Variants in NME8 observed in about 807,000 individuals in gnomAD.
NME8 encodes the protein protein NME8.
A neutral mutation model predicts 82.3 loss-of-function variants in NME8; 72 were observed. The ratio of observed to expected loss-of-function variants is 0.87; its 90% confidence interval spans 0.72 to 1.06. The LOEUF (loss-of-function observed/expected upper bound fraction) is 1.06, where lower values mean the gene tolerates loss of function less well. Among genes scored for constraint, NME8 ranks in the 50% least tolerant of loss-of-function variants. NME8 has a pLI of 0.00. For synonymous variants in NME8, 267 were observed against 228.5 expected, an observed-to-expected ratio of 1.17 and a Z score of -1.52; for missense variants, 712 against 685.4, an observed-to-expected ratio of 1.04 and a Z score of -0.43.
At chr7:37,864,210 C>T (rs532718199) in intron 8 of NME8, 138 bp from the exon 9 acceptor site, 38 of 1,047,578 alleles carry the variant, frequency 3.6e-5, no homozygotes, top group African/African-American at 3.2e-4. Context: ...GTTGAAATGC[C>T]GTAGTAAGAT....
chr7:37,877,301 AG>A, intron 12 of NME8, among the ~76,000 whole-genome samples: 1 of 152,308 alleles, frequency 6.6e-6, no homozygotes, highest in Middle Eastern at 3.4e-3. Context: ...CCCAATTCAA[AG>A]CTTGGATCTA....
chr7:37,850,648 C>G lies in NME8; in HGVS notation c.111C>G (p.Ala37=), dbSNP rs780775214. The change falls in exon 5 of 18, where the codon GCC becomes GCG. Residue 37 remains alanine, a synonymous_variant. Coordinates refer to ENST00000199447, the MANE Select transcript of NME8 (RefSeq NM_016616.5). ...TTCTAGTGATTGATGTTTACCAAGC[C>G]TGGTGTGGACCTTGCAGAGCAATGC... ...KGLTVIDVYQ[A]WCGPCRAMQP... is the part of the protein sequence containing the mutation. The G allele has an allele frequency of 6.2e-7, 1 of 1,611,730 alleles. No individual in the cohort carries two copies. Among genetic ancestry groups the G allele is most frequent in the Non-Finnish European group, 8.5e-7 (1 of 1,177,808 alleles).
At chr7:37,889,537 T>C (rs1456679938) in intron 15 of NME8, among the ~76,000 whole-genome samples, 2 of 151,950 alleles carry the variant, frequency 1.3e-5, no homozygotes, top group African/African-American at 4.8e-5. Context: ...CAGGTTCTAA[T>C]GCATCGTGTT....
chr7:37,863,335 CCACT>C lies in NME8; in HGVS notation c.388-56_388-53del, dbSNP rs542503046. 1.2e-4 allele frequency: 120 copies of C among 980,784 alleles called. 1 individual carries two copies. The African/African-American group carries it at 1.7e-3, about 14-fold the overall frequency. 60.8% of individuals were successfully genotyped at this position (980,784 alleles called of 1,614,324 possible). On this transcript the variant is annotated intron_variant, in intron 7 of 17. Transcript: ENST00000199447. ...TACTAGATACAAAATTTCTAAAAACCCACTCACTATCATATTAAAACATAACTGT... is the reference window on the plus strand; with the variant it reads ...TACTAGATACAAAATTTCTAAAAACCCACTATCATATTAAAACATAACTGT...
intron 11 of NME8, among the ~76,000 whole-genome samples, chr7:37,876,082 G>A (rs1294780170): frequency 7.1e-6 from 1 of 140,670 alleles, no homozygotes; most frequent in East Asian, 2.3e-4. Flanking sequence ...GGGGGTGTGC[G>A]CCTGTAGTCC....
intron 11 of NME8, among the ~76,000 whole-genome samples, chr7:37,871,816 T>A (rs1324010913): frequency 6.6e-6 from 1 of 152,202 alleles, no homozygotes; most frequent in Non-Finnish European, 1.5e-5. Flanking sequence ...TTTTTTCCTT[T>A]ATGATATTCT....
chr7:37,891,723 T>C (rs1422421349), intron 15 of NME8, among the ~76,000 whole-genome samples: 1 of 151,974 alleles, frequency 6.6e-6, no homozygotes, highest in Admixed American at 6.6e-5. Flanking sequence ...CTTTTCTGCT[T>C]ATCACTAGAG....
In NME8 at chr7:37,876,125, T is replaced by C. The variant is rs373675608; in HGVS notation, c.819-707T>C. ...TCGGGAGGCGAGGCAGGGGAATAGC[T>C]TGAACTTGGGAGGCAGAGGTAGCAG... On this transcript the variant is annotated intron_variant, in intron 11 of 17. Coordinates refer to ENST00000199447, the MANE Select transcript of NME8 (RefSeq NM_016616.5). Among the ~76,000 whole-genome samples, 307 of 151,836 alleles carry C rather than the reference T, an allele frequency of 2.0e-3. 1 individual carries two copies. Among genetic ancestry groups the C allele is most frequent in the South Asian group, 0.019 (92 of 4,802 alleles).
intron 15 of NME8, among the ~76,000 whole-genome samples, chr7:37,891,153 T>C (rs1785123593): frequency 3.9e-5 from 6 of 151,960 alleles, no homozygotes. Context: ...CTATTGAGTT[T>C]AGTTCCTTAT....
rs113441547 is a variant in NME8 at position 37,882,615 on chromosome 7, G to A, written c.995-1688G>A. 6.7e-3 allele frequency among the ~76,000 whole-genome samples: 487 copies of A among 72,294 alleles called. 7 individuals carry two copies. Among genetic ancestry groups the A allele is most frequent in the African/African-American group, 0.022 (447 of 20,520 alleles). 47.4% of individuals were successfully genotyped at this position (72,294 alleles called of 152,430 possible). On this transcript the variant is annotated intron_variant, in intron 12 of 17. Transcript: ENST00000199447. ...AGAAAGAAAGAGAGAGAGAGAGAGA[G>A]AAAGAAAGAAAGAAAGAAAGAAAGA...
At chr7:37,848,771 A>G (rs1303549014) in intron 1 of NME8, 43 bp downstream of exon 1, 1 of 152,324 alleles carries the variant, frequency 6.6e-6, no homozygotes, top group African/African-American at 2.4e-5. Flanking sequence ...ACGCCGCTCA[A>G]GTCTCACGGG....
At position 37,850,700 on chromosome 7, in the gene NME8, G is replaced by T; in HGVS notation, c.163G>T (p.Glu55Ter). The change falls in exon 5 of 18, where the codon GAA (glutamate) becomes TAA (stop). Residue 55 changes from glutamate (E) to a stop codon, truncating the protein, a stop_gained. Coordinates refer to ENST00000199447, the MANE Select transcript of NME8 (RefSeq NM_016616.5). LOFTEE classifies it high-confidence loss of function. ...ACCTTTATTCAGAAAATTGAAAAAT[G>T]AACTGAACGAAGACGAAATTCTGCA... The part of the protein sequence containing the change: ...MQPLFRKLKN[E>*]LNEDEILHFA... The T allele has an allele frequency of 6.2e-7, 1 of 1,613,684 alleles. No homozygotes were observed.
chr7:37,876,664 G>A (rs761847770), intron 11 of NME8, among the ~76,000 whole-genome samples, 168 bp from the exon 12 acceptor site: 4 of 149,474 alleles, frequency 2.7e-5, no homozygotes, highest in Non-Finnish European at 5.9e-5. Context: ...GTTGAATTAA[G>A]TATCATATTC....
At chr7:37,871,019 C>G (rs903843642) in intron 11 of NME8, among the ~76,000 whole-genome samples, 1 of 152,188 alleles carries the variant, frequency 6.6e-6, no homozygotes, top group East Asian at 1.9e-4. Flanking sequence ...TTCACTTTCA[C>G]TCTTTATTGC....
In NME8 at chr7:37,862,043, G is replaced by A. The variant is rs368696812; in HGVS notation, c.286G>A (p.Glu96Lys). 3.5e-5 allele frequency: 56 copies of A among 1,612,928 alleles called. No individual in the cohort carries two copies. Among genetic ancestry groups the A allele is most frequent in the Admixed American group, 1.0e-4 (6 of 59,966 alleles). The change falls in exon 7 of 18, where the codon GAA (glutamate) becomes AAA (lysine). Residue 96 changes from glutamate (E) to lysine (K), a missense_variant. Glu to Lys is a moderately conservative substitution (Grantham distance 56). Transcript: ENST00000199447. ...FLFSVNGKIIEKIQGANAPLV... is the reference protein window; with the variant it reads ...FLFSVNGKIIKKIQGANAPLV... ...TCCCTTATAGAATGGCAAAATTATC[G>A]AAAAGATTCAGGGTGCAAATGCACC...
chr7:37,854,275 C>T (rs1281784603), intron 5 of NME8, among the ~76,000 whole-genome samples: 5 of 151,960 alleles, frequency 3.3e-5, no homozygotes, highest in African/African-American at 4.8e-5. Context: ...ATTTACTATG[C>T]ATTAAGTGGA....
At chr7:37,883,313 A>G (rs1784992635) in intron 12 of NME8, among the ~76,000 whole-genome samples, 1 of 152,204 alleles carries the variant, frequency 6.6e-6, no homozygotes, top group Non-Finnish European at 1.5e-5. Flanking sequence ...AAAAAACTTC[A>G]GTGTCTTCTA....
chr7:37,897,687 C>T (rs570260097), intron 17 of NME8, among the ~76,000 whole-genome samples: 167 of 151,534 alleles, frequency 1.1e-3, no homozygotes, highest in African/African-American at 3.7e-3. Flanking sequence ...CCCAACAGGC[C>T]CTGATGTATG....
chr7:37,877,984 C>T (rs1381696158), intron 12 of NME8, among the ~76,000 whole-genome samples: 1 of 152,294 alleles, frequency 6.6e-6, no homozygotes, highest in Admixed American at 6.5e-5. Context: ...TTTCTTTCCT[C>T]ATTGAGCTAG....
Sources: gnomAD v4.1 joint callset for allele counts (sites outside exome capture counted in the v4.1 genomes callset) on GRCh38, gnomAD v4.1.1 for gene constraint, MANE v1.5 for transcripts, NCBI Gene and HGNC (gene_info 2026-07-23, HGNC 2026-07-21) for gene names.